PCNX1: variants seen among roughly 807,000 people sequenced by gnomAD.
The protein encoded by PCNX1 is pecanex 1, also known as pecanex-like protein 1.
Under a neutral mutation model 242.2 loss-of-function variants are expected in PCNX1, and 78 were observed. That is an observed-to-expected ratio of 0.32 (90% CI 0.27 to 0.39). PCNX1 has a LOEUF of 0.39. PCNX1 is among the 10% of genes least tolerant of loss of function. PCNX1 has a pLI of 1.00. For missense variants in PCNX1, 2,581 were observed against 2,856.5 expected, an observed-to-expected ratio of 0.90 and a Z score of 2.20; for synonymous variants, 1,024 against 1,032.9, an observed-to-expected ratio of 0.99 and a Z score of 0.17.
At chr14:70,935,814 C>A (rs2056978893) in intron 1 of PCNX1, among the ~76,000 whole-genome samples, 1 of 152,054 alleles carries the variant, frequency 6.6e-6, no homozygotes, top group African/African-American at 2.4e-5. Context: ...GCATAAGAAA[C>A]CTCGCTTAAT....
chr14:71,036,125 A>G lies in PCNX1; in HGVS notation c.3835A>G (p.Ile1279Val), dbSNP rs778314712. 3.7e-6 allele frequency: 6 copies of G among 1,606,364 alleles called. No individual in the cohort carries two copies. In the South Asian group the frequency reaches 5.5e-5, roughly 15 times the overall value. ...TGTAATTGGTGTGCTGTATTTTGCT[A>G]TTCATGTAAGCACAGTCTTCACAGT... ...CIVIGVLYFAIHVSTVFTVLQ... is the reference protein window; with the variant it reads ...CIVIGVLYFAVHVSTVFTVLQ... The change falls in exon 19 of 36, where the codon ATT becomes GTT. Residue 1279 changes from isoleucine (I) to valine (V), a missense_variant. Around this residue, in one of 9 missense-constraint regions of PCNX1, gnomAD observed 432 missense variants for 443.1 expected, o/e 0.97. Coordinates refer to ENST00000304743, the MANE Select transcript of PCNX1 (RefSeq NM_014982.3).
chr14:70,977,170 A>G lies in PCNX1; in HGVS notation c.833A>G (p.His278Arg). 1 of 1,614,152 alleles carries G rather than the reference A, an allele frequency of 6.2e-7. No homozygotes were observed. The highest frequency in any genetic ancestry group is 8.5e-7 in the Non-Finnish European group (1 of 1,180,030). The part of the protein sequence containing the change: ...PLHSHSYRKD[H>R]RPRGVPRTSS... ...CACTCACACTCTTATAGAAAAGACC[A>G]CCGGCCGCGAGGTGTACCACGGACT... Residue 278 changes from histidine to arginine, a missense_variant, in exon 6 of 36, where the codon CAC becomes CGC. His to Arg is a conservative substitution (Grantham distance 29). This residue lies in a region of PCNX1 where 1,204 missense variants were observed against 1,216.7 expected (regional missense o/e 0.99). Transcript: ENST00000304743.
Position 71,089,226 on chromosome 14 carries a change from C to T in PCNX1, c.5473C>T (p.Leu1825=). 1 of 1,610,496 alleles carries T rather than the reference C, an allele frequency of 6.2e-7. No individual in the cohort carries two copies. Among genetic ancestry groups the T allele is most frequent in the Non-Finnish European group, 8.5e-7 (1 of 1,177,286 alleles). The change falls in exon 30 of 36, where the codon CTA becomes TTA. Residue 1825 remains leucine, a synonymous_variant. Transcript: ENST00000304743. ...LESFLYGLHA[L]FKGDFRISSI... Reference sequence around the variant, plus strand: ...GTCATTCCTCTATGGATTGCATGCCCTATTTAAAGGAGATTTCCGTATTTC... The same window carrying T: ...GTCATTCCTCTATGGATTGCATGCCTTATTTAAAGGAGATTTCCGTATTTC...
chr14:71,008,655 CAAAAAA>C (rs777494885), intron 8 of PCNX1, among the ~76,000 whole-genome samples: 8 of 32,760 alleles, frequency 2.4e-4, no homozygotes, highest in East Asian at 1.7e-3. Flanking sequence ...GACTCTGTCT[CAAAAAA>C]AAAAAAAAAA....
At chr14:71,063,589 T>C (rs924312134) in intron 26 of PCNX1, among the ~76,000 whole-genome samples, 50 of 152,212 alleles carry the variant, frequency 3.3e-4, no homozygotes, top group Admixed American at 1.3e-4. Flanking sequence ...CTTCCTTTTC[T>C]TTATAGTGTG....
chr14:71,108,171 G>A (rs2062675962), intron 33 of PCNX1, among the ~76,000 whole-genome samples: 1 of 152,134 alleles, frequency 6.6e-6, no homozygotes, highest in Non-Finnish European at 1.5e-5. Flanking sequence ...GATTCCACAA[G>A]TGAGATCATG....
At chr14:71,076,482 C>A in intron 28 of PCNX1, 63 bp downstream of exon 28, 1 of 1,064,632 alleles carries the variant, frequency 9.4e-7, no homozygotes, top group Non-Finnish European at 1.4e-6. Context: ...AAAGAATGTC[C>A]CTGTTAGTTC....
intron 26 of PCNX1, among the ~76,000 whole-genome samples, chr14:71,069,352 T>C (rs1442685044): frequency 6.6e-6 from 1 of 152,218 alleles, no homozygotes; most frequent in Non-Finnish European, 1.5e-5. Context: ...TATTAGCAAA[T>C]TAATAGAATT....
chr14:71,042,318 A>G, intron 19 of PCNX1, among the ~76,000 whole-genome samples: 1 of 152,194 alleles, frequency 6.6e-6, no homozygotes, highest in East Asian at 1.9e-4. Flanking sequence ...ATTAGCTTTA[A>G]TAATATTTGC....
chr14:71,023,384 T>G (rs2060157191), intron 13 of PCNX1, 152 bp downstream of exon 13: 3 of 625,804 alleles, frequency 4.8e-6, no homozygotes, highest in Admixed American at 5.2e-5. Context: ...TTTGACACAC[T>G]ACTAGAAATA....
chr14:71,105,363 A>G lies in PCNX1; in HGVS notation c.6224A>G (p.Gln2075Arg). ...TANNPHSNVT[Q>R]GSIGNPGQGS... ...AACAATCCCCACAGCAACGTGACCC[A>G]GGGAAGCATTGGAAATCCTGGGCAG... The change falls in exon 33 of 36, where the codon CAG becomes CGG. Residue 2075 changes from glutamine (Q) to arginine (R), a missense_variant. Gln to Arg is a conservative substitution (Grantham distance 43, BLOSUM62 1). Around this residue, in one of 9 missense-constraint regions of PCNX1, gnomAD observed 432 missense variants for 433.6 expected, o/e 1.00. Coordinates refer to ENST00000304743, the MANE Select transcript of PCNX1 (RefSeq NM_014982.3). 6.2e-7 allele frequency: 1 copy of G among 1,614,146 alleles called. No individual in the cohort carries two copies. The highest frequency in any genetic ancestry group is 8.5e-7 in the Non-Finnish European group (1 of 1,179,988).
chr14:71,048,106 A>T (rs1017260769), intron 22 of PCNX1, 122 bp downstream of exon 22: 7 of 599,270 alleles, frequency 1.2e-5, no homozygotes, highest in Non-Finnish European at 1.9e-5. Context: ...ACTCTCTTCA[A>T]CCAGTTATTT....
intron 1 of PCNX1, among the ~76,000 whole-genome samples, chr14:70,927,391 TGTA>T (rs1021416444): frequency 3.9e-5 from 6 of 152,154 alleles, no homozygotes; most frequent in Non-Finnish European, 5.9e-5. Flanking sequence ...TGTGCGTAAT[TGTA>T]GTACTTCTGT....
intron 6 of PCNX1, among the ~76,000 whole-genome samples, chr14:70,985,678 T>G (rs910550060): frequency 1.6e-4 from 24 of 152,192 alleles, no homozygotes; most frequent in Non-Finnish European, 8.8e-5. Context: ...CATTCACGGT[T>G]TTTGAATTGC....
chr14:71,069,140 A>C (rs868329380), intron 26 of PCNX1, among the ~76,000 whole-genome samples: 2 of 152,116 alleles, frequency 1.3e-5, no homozygotes, highest in African/African-American at 4.8e-5. Context: ...AAACCATCAG[A>C]TCTCTTGAGA....
At chr14:71,015,134 C>T (rs1320659368) in intron 11 of PCNX1, among the ~76,000 whole-genome samples, 1 of 151,990 alleles carries the variant, frequency 6.6e-6, no homozygotes, top group African/African-American at 2.4e-5. Flanking sequence ...GAAATAAAGA[C>T]ATCTTCAGAT....
intron 6 of PCNX1, 84 bp downstream of exon 6, chr14:70,978,732 TTC>T (rs2058752484): frequency 8.5e-7 from 1 of 1,181,578 alleles, no homozygotes; most frequent in Non-Finnish European, 1.2e-6. Flanking sequence ...TAAAATATGC[TTC>T]TGTTAATATT....
chr14:71,033,277 A>G, intron 16 of PCNX1, 152 bp from the exon 17 acceptor site: 1 of 537,384 alleles, frequency 1.9e-6, no homozygotes, highest in Non-Finnish European at 3.3e-6. Context: ...ATAAATCTAA[A>G]TTTTTCTGGA....
chr14:70,957,553 GA>G (rs2058041228), intron 2 of PCNX1, among the ~76,000 whole-genome samples: 1 of 152,110 alleles, frequency 6.6e-6, no homozygotes, highest in Non-Finnish European at 1.5e-5. Context: ...CATTTATATA[GA>G]ATGTCCAGGA....
Sources: gnomAD v4.1 joint callset for allele counts (sites outside exome capture counted in the v4.1 genomes callset) on GRCh38, gnomAD v4.1.1 for gene constraint, gnomAD v4.1.1 regional missense constraint, MANE v1.5 for transcripts, NCBI Gene and HGNC (gene_info 2026-07-23, HGNC 2026-07-21) for gene names.